The following ANK2 variants were observed in gnomAD, a reference collection of about 807,000 sequenced individuals.
ANK2 encodes ankyrin 2, also known as ankyrin-2.
Under a neutral mutation model 360.5 loss-of-function variants are expected in ANK2, and 83 were observed. That is an observed-to-expected ratio of 0.23 (90% CI 0.19 to 0.28). ANK2 has a LOEUF of 0.28. ANK2 is among the 10% of genes least tolerant of loss of function. The pLI is 1.00. For synonymous variants in ANK2, 1,740 were observed against 1,759.5 expected (o/e 0.99, Z 0.28); for missense variants, 4,201 against 4,795.7 (o/e 0.88, Z 3.66).
At position 113,291,466 on chromosome 4, in the gene ANK2, C is replaced by T. The variant is rs114324715; in HGVS notation, c.2278-950C>T. Among the ~76,000 whole-genome samples the T allele has an allele frequency of 4.2e-3, 647 of 152,272 alleles. 3 individuals carry two copies. Among genetic ancestry groups the T allele is most frequent in the South Asian group, 8.9e-3 (43 of 4,818 alleles). On this transcript the variant is annotated intron_variant, in intron 20 of 45. Coordinates refer to ENST00000357077, the MANE Select transcript of ANK2 (RefSeq NM_001148.6). The stretch of plus-strand genomic sequence containing the variant: ...TGAGGATGTGCCACACTTAGAGACA[C>T]TTAGGTAACCCTGATACATGTGGGC...
chr4:112,761,614 C>T, the ANK2 span, among the ~76,000 whole-genome samples: 2 of 151,842 alleles, frequency 1.3e-5, no homozygotes, highest in East Asian at 1.9e-4. Context: ...AGTGAGACTC[C>T]GTCTCAAAAA....
intron 2 of ANK2, among the ~76,000 whole-genome samples, chr4:112,965,720 G>C (rs1015680283): frequency 1.3e-5 from 2 of 152,112 alleles, no homozygotes; most frequent in African/African-American, 2.4e-5. Context: ...ATTTATTAAA[G>C]AGACTGTCAT....
intron 1 of ANK2, among the ~76,000 whole-genome samples, chr4:112,846,439 G>A (rs771306453): frequency 2.0e-5 from 3 of 152,058 alleles, no homozygotes; most frequent in Non-Finnish European, 4.4e-5. Flanking sequence ...TAGGCCATTC[G>A]TCCACCCTAT....
intron 4 of ANK2, among the ~76,000 whole-genome samples, chr4:113,221,669 A>C (rs968746761): frequency 6.6e-6 from 1 of 152,142 alleles, no homozygotes; most frequent in Non-Finnish European, 1.5e-5. Flanking sequence ...AAAAAAAAAA[A>C]AAGAGAAAAC....
chr4:112,927,244 A>AACAT (rs2092677744), intron 2 of ANK2, among the ~76,000 whole-genome samples: 3 of 152,208 alleles, frequency 2.0e-5, no homozygotes, highest in Admixed American at 1.3e-4. Context: ...AACCAGTTTT[A>AACAT]ACATCTTACT....
the ANK2 span, among the ~76,000 whole-genome samples, chr4:112,753,578 A>G: frequency 6.6e-6 from 1 of 152,278 alleles, no homozygotes; most frequent in South Asian, 2.1e-4. Flanking sequence ...ATATTGGCAC[A>G]AGATACGGGT....
Position 113,370,333 on chromosome 4 carries a change from T to G in ANK2, c.11610+528T>G, listed in dbSNP as rs144578514. ...TTTTTTTTAAGATTTATTTTAGGAA[T>G]GACTGAGAAAAAGAACATTGTACCT... On this transcript the variant is annotated intron_variant, in intron 43 of 45. Coordinates refer to ENST00000357077, the MANE Select transcript of ANK2 (RefSeq NM_001148.6). Among the ~76,000 whole-genome samples, 61 of 152,068 alleles carry G rather than the reference T, an allele frequency of 4.0e-4. No homozygotes were observed. The Middle Eastern group carries it at 0.01, about 25-fold the overall frequency.
chr4:113,121,015 A>G (rs935981985), intron 1 of ANK2, among the ~76,000 whole-genome samples: 3 of 152,192 alleles, frequency 2.0e-5, no homozygotes, highest in African/African-American at 7.2e-5. Flanking sequence ...AGGCAAATGT[A>G]TGACTAGTTC....
intron 2 of ANK2, among the ~76,000 whole-genome samples, chr4:113,041,536 A>G (rs1443809502): frequency 1.3e-5 from 2 of 152,128 alleles, no homozygotes; most frequent in Admixed American, 6.6e-5. Flanking sequence ...AGTGTGTTAC[A>G]TGGTTGCAAA....
chr4:113,332,186 A>G, intron 28 of ANK2, 116 bp downstream of exon 28: 3 of 942,914 alleles, frequency 3.2e-6, no homozygotes, highest in Non-Finnish European at 5.2e-6. Context: ...TCTATGATTT[A>G]AATTCTGTAT....
At chr4:112,760,574 G>C in the ANK2 span, among the ~76,000 whole-genome samples, 2 of 150,140 alleles carry the variant, frequency 1.3e-5, no homozygotes, top group African/African-American at 4.9e-5. Context: ...TAAGTTTTAG[G>C]GTACATGTGC....
intron 1 of ANK2, among the ~76,000 whole-genome samples, chr4:113,134,331 A>G (rs996988591): frequency 8.5e-5 from 12 of 141,736 alleles, no homozygotes; most frequent in Admixed American, 3.7e-4. Flanking sequence ...GAGAGAACCC[A>G]AGGACAAAAT....
chr4:113,280,675 T>G (rs139329581), intron 17 of ANK2, among the ~76,000 whole-genome samples: 1 of 152,130 alleles, frequency 6.6e-6, no homozygotes, highest in South Asian at 2.1e-4. Context: ...TTATTGGGAG[T>G]GCTGCAATTA....
chr4:112,998,692 A>G (rs567826012), intron 2 of ANK2, among the ~76,000 whole-genome samples: 1 of 152,324 alleles, frequency 6.6e-6, no homozygotes, highest in South Asian at 2.1e-4. Context: ...TGTGTTAAAT[A>G]AAGTTAAGCA....
At position 113,355,538 on chromosome 4, in the gene ANK2, T is replaced by C. The variant is rs774148097; in HGVS notation, c.6920T>C (p.Phe2307Ser). 1 of 1,614,058 alleles carries C rather than the reference T, an allele frequency of 6.2e-7. No individual in the cohort carries two copies. The highest frequency in any genetic ancestry group is 1.1e-5 in the South Asian group (1 of 91,072). Residue 2307 changes from phenylalanine to serine, a missense_variant, in exon 38 of 46, where the codon TTT (phenylalanine) becomes TCT (serine). Physicochemically the swap from Phe to Ser is radical, Grantham distance 155. Transcript: ENST00000357077. ...GACTCAGAGACCTCTACTGAGAGTT[T>C]TCAGAAAGAGGCCACTCTAGGCTCT... is the stretch of plus-strand genomic sequence containing the variant. ...TEDSETSTES[F>S]QKEATLGSPK... is the part of the protein sequence containing the mutation.
chr4:112,735,753 G>T, the ANK2 span, among the ~76,000 whole-genome samples: 1 of 152,022 alleles, frequency 6.6e-6, no homozygotes, highest in Non-Finnish European at 1.5e-5. Context: ...AGTAGTATTA[G>T]GTTTAATCAC....
At position 113,074,088 on chromosome 4, in the gene ANK2, G is replaced by A. The variant is rs539484873; in HGVS notation, c.84+24276G>A. Among the ~76,000 whole-genome samples, 90 of 152,268 alleles carry A rather than the reference G, an allele frequency of 5.9e-4. No homozygotes were observed. In the Middle Eastern group the frequency reaches 0.02, roughly 35 times the overall value. ...GTGAGCAATTTCAAAATTTTTTTAC[G>A]TGAAGGATTTGCTCTATTATTGGTA... On this transcript the variant is annotated intron_variant, in intron 1 of 45. Coordinates refer to ENST00000357077, the MANE Select transcript of ANK2 (RefSeq NM_001148.6).
intron 1 of ANK2, among the ~76,000 whole-genome samples, chr4:113,124,202 C>G (rs574259497): frequency 6.6e-6 from 1 of 152,272 alleles, no homozygotes; most frequent in African/African-American, 2.4e-5. Context: ...TTTGAAAGAA[C>G]TCAAGTTAGT....
intron 2 of ANK2, among the ~76,000 whole-genome samples, chr4:113,013,743 T>C (rs1292555166): frequency 6.6e-6 from 1 of 152,230 alleles, no homozygotes; most frequent in Non-Finnish European, 1.5e-5. Flanking sequence ...GAACATTTTT[T>C]TTCCCCTCAA....
Sources: allele counts gnomAD v4.1 joint callset (sites outside exome capture counted in the v4.1 genomes callset), GRCh38; gene constraint gnomAD v4.1.1; transcripts MANE v1.5; gene names NCBI Gene and HGNC (gene_info 2026-07-23, HGNC 2026-07-21).